The following DTD2 variants were observed in gnomAD, a reference collection of about 807,000 sequenced individuals.
DTD2 encodes the protein D-tyrosyl-tRNA deacylase 2 (putative).
Under a neutral mutation model 15.5 loss-of-function variants are expected in DTD2, and 12 were observed. That is an observed-to-expected ratio of 0.77 (90% confidence interval 0.50 to 1.25). The LOEUF is 1.25. Among genes scored for constraint, DTD2 ranks in the 50% most tolerant of loss-of-function variants. The pLI, the probability that DTD2 is intolerant of heterozygous loss-of-function variation, is 0.00. For missense variants in DTD2, 170 were observed against 201.1 expected (o/e 0.85, Z 0.93); for synonymous variants, 59 against 77.3 (o/e 0.76, Z 1.24).
chr14:31,454,988 TAAG>T (rs961852373), intron 1 of DTD2, among the ~76,000 whole-genome samples: 16 of 152,200 alleles, frequency 1.1e-4, no homozygotes, highest in African/African-American at 3.6e-4. Flanking sequence ...AGAGAATATG[TAAG>T]AAGAAAGAAT....
intron 2 of DTD2, among the ~76,000 whole-genome samples, chr14:31,450,000 A>G (rs972436928): frequency 6.6e-6 from 1 of 152,212 alleles, no homozygotes; most frequent in African/African-American, 2.4e-5. Context: ...AGTTTTCTCT[A>G]TTACAAATAG....
At chr14:31,450,900 G>A (rs1045980196) in intron 2 of DTD2, among the ~76,000 whole-genome samples, 1 of 152,100 alleles carries the variant, frequency 6.6e-6, no homozygotes, top group Non-Finnish European at 1.5e-5. Flanking sequence ...GATATGATAG[G>A]CATATTTCAT....
intron 2 of DTD2, among the ~76,000 whole-genome samples, chr14:31,448,759 A>G (rs1249572502): frequency 6.6e-6 from 1 of 152,200 alleles, no homozygotes; most frequent in Non-Finnish European, 1.5e-5. Flanking sequence ...AACCTCAAAT[A>G]TTGTTCCCCT....
chr14:31,455,080 C>G (rs776615662), intron 1 of DTD2, among the ~76,000 whole-genome samples: 3 of 152,046 alleles, frequency 2.0e-5, no homozygotes, highest in African/African-American at 4.8e-5. Flanking sequence ...AAAGGGAAAG[C>G]CTTTAAAATA....
intron 1 of DTD2, among the ~76,000 whole-genome samples, chr14:31,456,373 G>T (rs574881536): frequency 1.7e-3 from 252 of 151,976 alleles, no homozygotes; most frequent in Middle Eastern, 6.8e-3. Context: ...GCGACAGATC[G>T]AGAATTCATC....
chr14:31,457,251 G>C lies in DTD2; in HGVS notation c.111+32C>G, dbSNP rs536985801. The C allele has an allele frequency of 3.9e-6, 6 of 1,537,550 alleles. 1 individual carries two copies. The highest frequency in any genetic ancestry group is 3.6e-5 in the South Asian group (3 of 82,984). On this transcript the variant is annotated intron_variant, in intron 1 of 2. Coordinates refer to ENST00000310850, the MANE Select transcript of DTD2 (RefSeq NM_080664.3). Reference sequence around the variant, plus strand: ...GCGGAAAAAACCGCCCCGCACGCCGGAGGATAACGAGAGCTGCCGGGCTGA... The same window carrying C: ...GCGGAAAAAACCGCCCCGCACGCCGCAGGATAACGAGAGCTGCCGGGCTGA...
chr14:31,451,140 TTA>T (rs2032027293), intron 2 of DTD2, among the ~76,000 whole-genome samples: 1 of 150,624 alleles, frequency 6.6e-6, no homozygotes, highest in Non-Finnish European at 1.5e-5. Context: ...CCTCATTACA[TTA>T]TGTTCTTTTT....
chr14:31,453,244 T>G (rs1195209394), intron 2 of DTD2, 31 bp downstream of exon 2: 1 of 1,610,174 alleles, frequency 6.2e-7, no homozygotes, highest in Admixed American at 1.7e-5. Context: ...GGCCTCTCAC[T>G]CTTAAAAAAG....
At chr14:31,455,329 A>C (rs569261197) in intron 1 of DTD2, among the ~76,000 whole-genome samples, 1 of 152,088 alleles carries the variant, frequency 6.6e-6, no homozygotes, top group Non-Finnish European at 1.5e-5. Flanking sequence ...AGGTGGGCGG[A>C]CCACAAGGTC....
intron 2 of DTD2, among the ~76,000 whole-genome samples, chr14:31,449,939 A>G (rs1482282567): frequency 1.3e-5 from 2 of 152,254 alleles, no homozygotes; most frequent in Non-Finnish European, 2.9e-5. Context: ...TAAGCTAGGC[A>G]TTAAGCATCA....
chr14:31,454,524 A>C (rs1260674898), intron 1 of DTD2, among the ~76,000 whole-genome samples: 2 of 152,242 alleles, frequency 1.3e-5, no homozygotes, highest in Non-Finnish European at 2.9e-5. Flanking sequence ...GCAAGTTATT[A>C]TAGGTATTTG....
chr14:31,453,146 C>T (rs2032057035), intron 2 of DTD2, 129 bp downstream of exon 2: 1 of 786,362 alleles, frequency 1.3e-6, no homozygotes. Flanking sequence ...ACTATGTTGC[C>T]CAGGCTGGCT....
Position 31,446,170 on chromosome 14 carries a change from G to C in DTD2, c.*1959C>G, listed in dbSNP as rs917667714. On this transcript the variant is annotated 3_prime_UTR_variant, in exon 3 of 3. Transcript: ENST00000310850. ...TTCCAAAATAGAACAGTACAGGAAGGGTATAGAGAAAATAGGATTTTTCAT... is the reference window on the plus strand; with the variant it reads ...TTCCAAAATAGAACAGTACAGGAAGCGTATAGAGAAAATAGGATTTTTCAT... 1.3e-5 allele frequency: 2 copies of C among 151,972 alleles called. No individual in the cohort carries two copies. The highest frequency in any genetic ancestry group is 1.3e-4 in the Admixed American group (2 of 15,248). 9.4% of individuals were successfully genotyped at this position (151,972 alleles called of 1,614,324 possible). A position where few individuals can be genotyped will look rare whatever the true frequency, so the allele number is the denominator to read the frequency against.
In DTD2 at chr14:31,446,642, G is replaced by C. The variant is rs922218446; in HGVS notation, c.*1487C>G. On this transcript the variant is annotated 3_prime_UTR_variant, in exon 3 of 3. Coordinates refer to ENST00000310850, the MANE Select transcript of DTD2 (RefSeq NM_080664.3). ...TTTCTTTCTGGCTTATATGTTCCAG[G>C]ATGGGATGGTTGGAGGAGCCCCATC... The C allele has an allele frequency of 1.3e-5, 2 of 152,206 alleles. No homozygotes were observed. The highest frequency in any genetic ancestry group is 4.8e-5 in the African/African-American group (2 of 41,440). The allele number at this position is 152,206 out of a possible 1,614,324, so 9.4% of individuals were successfully genotyped here. A position where few individuals can be genotyped will look rare whatever the true frequency, so the allele number is the denominator to read the frequency against.
Position 31,447,959 on chromosome 14 carries a change from G to T in DTD2, c.*170C>A. ...GGTGACTGAGATCCAGAGTTTAGGT[G>T]ACTTGGCAAAGTCATCCAATTAGCA... On this transcript the variant is annotated 3_prime_UTR_variant, in exon 3 of 3. Transcript: ENST00000310850. The T allele has an allele frequency of 1.7e-6, 1 of 583,978 alleles. No individual in the cohort carries two copies. The highest frequency in any genetic ancestry group is 2.9e-6 in the Non-Finnish European group (1 of 339,112). 36.2% of individuals were successfully genotyped at this position (583,978 alleles called of 1,614,324 possible).
rs752329777 is a variant in DTD2 at position 31,448,473 on chromosome 14, C to A, written c.182-19G>T. The A allele has an allele frequency of 6.4e-7, 1 of 1,555,646 alleles. No individual in the cohort carries two copies. Among genetic ancestry groups the A allele is most frequent in the Non-Finnish European group, 8.7e-7 (1 of 1,150,792 alleles). On this transcript the variant is annotated intron_variant, in intron 2 of 2. Transcript: ENST00000310850. ...GTATTAACTGGGTGAGGAAGAAAGG[C>A]AAAACATTTTAAAGTGAAAAACAAA...
chr14:31,449,618 A>G (rs969761375), intron 2 of DTD2, among the ~76,000 whole-genome samples: 9 of 152,186 alleles, frequency 5.9e-5, no homozygotes, highest in African/African-American at 1.9e-4. Context: ...CTCAACATTA[A>G]CCATTTTTGA....
intron 1 of DTD2, among the ~76,000 whole-genome samples, chr14:31,455,922 A>G (rs898535637): frequency 5.9e-5 from 9 of 152,196 alleles, no homozygotes; most frequent in Non-Finnish European, 1.0e-4. Flanking sequence ...TCAAATAAGG[A>G]AATCAAGACC....
In DTD2 at chr14:31,446,851, T is replaced by G. The variant is rs2031965509; in HGVS notation, c.*1278A>C. The G allele has an allele frequency of 6.6e-6, 1 of 152,220 alleles. No homozygotes were observed. The highest frequency in any genetic ancestry group is 1.5e-5 in the Non-Finnish European group (1 of 68,034). The allele number at this position is 152,220 out of a possible 1,614,324, so 9.4% of individuals were successfully genotyped here. A position where few individuals can be genotyped will look rare whatever the true frequency, so the allele number is the denominator to read the frequency against. ...TATGGGAAGCTTCCCTTTTTCTCCC[T>G]TTTACAGCAATCTAATTCAATGGAA... On this transcript the variant is annotated 3_prime_UTR_variant, in exon 3 of 3. Coordinates refer to ENST00000310850, the MANE Select transcript of DTD2 (RefSeq NM_080664.3).
Sources: allele counts gnomAD v4.1 joint callset (sites outside exome capture counted in the v4.1 genomes callset), GRCh38; gene constraint gnomAD v4.1.1; transcripts MANE v1.5; gene names NCBI Gene and HGNC (gene_info 2026-07-23, HGNC 2026-07-21).